ST3GAL3: variants seen among roughly 807,000 people sequenced by gnomAD.
ST3GAL3 encodes the protein ST3 beta-galactoside alpha-2,3-sialyltransferase 3.
ST3GAL3 carries 21 observed loss-of-function variants against 50.1 expected under a neutral mutation model. The observed-to-expected ratio is 0.42, with a 90% CI of 0.30 to 0.60. ST3GAL3 has a LOEUF of 0.60. Ranked by LOEUF, ST3GAL3 falls within the 20% of genes least tolerant of loss-of-function variation. The pLI is 0.19. For missense variants in ST3GAL3, 353 were observed against 489.4 expected, an observed-to-expected ratio of 0.72 and a Z score of 2.63; for synonymous variants, 183 against 190.0, an observed-to-expected ratio of 0.96 and a Z score of 0.30.
chr1:43,887,335 A>T (rs147775120), intron 5 of ST3GAL3, among the ~76,000 whole-genome samples: 54 of 152,300 alleles, frequency 3.5e-4, no homozygotes, highest in African/African-American at 1.3e-3. Context: ...AGTGGAACCA[A>T]CGGGTACAGG....
chr1:43,859,537 C>T (rs371468963), intron 5 of ST3GAL3, among the ~76,000 whole-genome samples: 5 of 151,470 alleles, frequency 3.3e-5, no homozygotes, highest in African/African-American at 4.9e-5. Context: ...CCAGCCTGGG[C>T]GACAGAGTGA....
rs150832867 is a variant in ST3GAL3, at chr1:43,737,100, T to C, written c.118+720T>C. 1 of 138,544 alleles carries C rather than the reference T, an allele frequency of 7.2e-6. No homozygotes were observed. Among genetic ancestry groups the C allele is most frequent in the Non-Finnish European group, 1.5e-5 (1 of 64,542 alleles). The allele number at this position is 138,544 out of a possible 1,614,324, so 8.6% of individuals were successfully genotyped here. On this transcript the variant is annotated intron_variant, in intron 2 of 11. Transcript: ENST00000347631. This position sits in a 1 kb window ranked among gnomAD's most constrained non-coding sequence, Gnocchi z 4.0. Reference sequence around the variant, plus strand: ...AGCCTTTGCACATTGTTTTCTTGGCTGTAGCTTGAAATATCACACAGTGAC... The same window carrying C: ...AGCCTTTGCACATTGTTTTCTTGGCCGTAGCTTGAAATATCACACAGTGAC...
chr1:43,858,391 G>A lies in ST3GAL3; in HGVS notation c.302+20080G>A. On this transcript the variant is annotated intron_variant, in intron 5 of 11. Transcript: ENST00000347631. ...ACCAGTTCCAGGCTCCAGCCTAGGA[G>A]CAGGAACTGTAGGGATGCTTAGAAG... 3 of 1,150,624 alleles carry A rather than the reference G, an allele frequency of 2.6e-6. No individual in the cohort carries two copies. The South Asian group carries it at 4.6e-5, about 18-fold the overall frequency. The allele number at this position is 1,150,624 out of a possible 1,614,324, so 71.3% of individuals were successfully genotyped here. A position where few individuals can be genotyped will look rare whatever the true frequency, so the allele number is the denominator to read the frequency against.
At chr1:43,909,430 G>C (rs766072945) in intron 9 of ST3GAL3, among the ~76,000 whole-genome samples, 5 of 152,176 alleles carry the variant, frequency 3.3e-5, no homozygotes, top group African/African-American at 1.2e-4. Flanking sequence ...AGTCCCTGGC[G>C]CTCTGCCTTT....
chr1:43,795,593 C>T (rs908698033), intron 3 of ST3GAL3, among the ~76,000 whole-genome samples: 2 of 152,184 alleles, frequency 1.3e-5, no homozygotes, highest in East Asian at 3.8e-4. Context: ...TTACAAAGCG[C>T]TGGGCATACC....
intron 5 of ST3GAL3, among the ~76,000 whole-genome samples, chr1:43,874,737 A>G (rs1434474116): frequency 6.6e-6 from 1 of 152,232 alleles, no homozygotes; most frequent in Non-Finnish European, 1.5e-5. Context: ...AATGCACGCA[A>G]GTAGTGATAC....
chr1:43,765,789 GCGCGCGCGCGCGTC>G (rs1303930228), intron 2 of ST3GAL3, among the ~76,000 whole-genome samples: 1 of 128,726 alleles, frequency 7.8e-6, no homozygotes, highest in East Asian at 2.0e-4. Context: ...GTGTGTGCGC[GCGCGCGCGCGCGTC>G]CGCGCGTCCG....
chr1:43,851,496 C>T, intron 5 of ST3GAL3: 1 of 1,600,856 alleles, frequency 6.2e-7, no homozygotes, highest in Non-Finnish European at 8.6e-7. Context: ...GCCTTAGTAT[C>T]TCTGGCCCGG....
chr1:43,728,526 T>C (rs1417984203), intron 1 of ST3GAL3, among the ~76,000 whole-genome samples: 3 of 152,024 alleles, frequency 2.0e-5, no homozygotes, highest in African/African-American at 7.2e-5. Flanking sequence ...AGGAGGATCA[T>C]TTGAGTCTAG....
rs1558437459 is a variant in ST3GAL3 at position 43,817,582 on chromosome 1, C to CCTT, written c.209+2651_209+2652insTCT. Among the ~76,000 whole-genome samples, 8 of 34,440 alleles carry CCTT rather than the reference C, an allele frequency of 2.3e-4. 1 individual carries two copies. In the East Asian group the frequency reaches 3.6e-3, roughly 15 times the overall value. 22.6% of individuals were successfully genotyped at this position (34,440 alleles called of 152,430 possible). On this transcript the variant is annotated intron_variant, in intron 4 of 11. Coordinates refer to ENST00000347631, the MANE Select transcript of ST3GAL3 (RefSeq NM_006279.5). ...CCTTCTTCCTTCTTCTTCTCCTTCT[C>CCTT]CTCCTTCTCCTCCTCCCTTCTCCTT...
chr1:43,930,408 T>A lies in ST3GAL3; in HGVS notation c.*187T>A. On this transcript the variant is annotated 3_prime_UTR_variant, in exon 12 of 12. Coordinates refer to ENST00000347631, the MANE Select transcript of ST3GAL3 (RefSeq NM_006279.5). ...TCTCAGAGACCAGCACTCAGCCTCATTCAGCATGGGTCCTTGATGCCAGAG... is the reference window on the plus strand; with the variant it reads ...TCTCAGAGACCAGCACTCAGCCTCAATCAGCATGGGTCCTTGATGCCAGAG... The A allele has an allele frequency of 1.5e-6, 1 of 659,588 alleles. No homozygotes were observed. The highest frequency in any genetic ancestry group is 2.8e-5 in the East Asian group (1 of 36,330). 40.9% of individuals were successfully genotyped at this position (659,588 alleles called of 1,614,324 possible).
At chr1:43,806,832 G>C (rs927065701) in intron 3 of ST3GAL3, among the ~76,000 whole-genome samples, 4 of 152,108 alleles carry the variant, frequency 2.6e-5, no homozygotes, top group African/African-American at 9.7e-5. Context: ...TGGGACCACA[G>C]GTGCACACCA....
intron 5 of ST3GAL3, among the ~76,000 whole-genome samples, chr1:43,890,477 G>A (rs977434685): frequency 2.4e-4 from 36 of 152,276 alleles, no homozygotes; most frequent in Non-Finnish European, 4.7e-4. Context: ...CTAACTAGCC[G>A]AAGTGTTAGA....
At chr1:43,887,998 G>T (rs1257025493) in intron 5 of ST3GAL3, among the ~76,000 whole-genome samples, 2 of 152,040 alleles carry the variant, frequency 1.3e-5, no homozygotes, top group African/African-American at 4.8e-5. Context: ...ACATGTTGAG[G>T]GAACAGTCTT....
chr1:43,803,961 G>A (rs1221507005), intron 3 of ST3GAL3, among the ~76,000 whole-genome samples: 1 of 152,216 alleles, frequency 6.6e-6, no homozygotes, highest in Non-Finnish European at 1.5e-5. Context: ...TAAGCCATCA[G>A]ACTAAACACT....
chr1:43,733,046 A>G (rs941878170), intron 1 of ST3GAL3, among the ~76,000 whole-genome samples: 12 of 150,856 alleles, frequency 8.0e-5, no homozygotes, highest in Admixed American at 2.6e-4. Context: ...TAGCATGATC[A>G]TAGCTCACTG....
At chr1:43,788,377 C>T (rs1041162217) in intron 2 of ST3GAL3, among the ~76,000 whole-genome samples, 3 of 152,206 alleles carry the variant, frequency 2.0e-5, no homozygotes, top group Non-Finnish European at 4.4e-5. Flanking sequence ...CTCATCCGGG[C>T]AGTCAGCTCC....
At chr1:43,793,579 C>T (rs2058345297) in intron 3 of ST3GAL3, among the ~76,000 whole-genome samples, 1 of 152,224 alleles carries the variant, frequency 6.6e-6, no homozygotes, top group Non-Finnish European at 1.5e-5. Flanking sequence ...AGCCCATCCT[C>T]TCTCCCTTAG....
At chr1:43,753,574 A>G (rs1047960451) in intron 2 of ST3GAL3, among the ~76,000 whole-genome samples, 1 of 152,214 alleles carries the variant, frequency 6.6e-6, no homozygotes, top group African/African-American at 2.4e-5. Context: ...GAATGCAGAC[A>G]GGTCTCAGTT....
Sources: allele counts gnomAD v4.1 joint callset (sites outside exome capture counted in the v4.1 genomes callset), GRCh38; gene constraint gnomAD v4.1.1; non-coding constraint Gnocchi (gnomAD v3.1); transcripts MANE v1.5; gene names NCBI Gene and HGNC (gene_info 2026-07-23, HGNC 2026-07-21).